ZNF512: variants seen among roughly 807,000 people sequenced by gnomAD.
ZNF512 encodes the protein zinc finger protein 512.
Under a neutral mutation model 77.5 loss-of-function variants are expected in ZNF512, and 25 were observed. That is an observed-to-expected ratio of 0.32 (90% CI 0.23 to 0.45). The LOEUF (loss-of-function observed/expected upper bound fraction) is 0.45, where lower values mean the gene tolerates loss of function less well. ZNF512 is among the 20% of genes least tolerant of loss of function. ZNF512 has a pLI of 1.00. For synonymous variants in ZNF512, 246 were observed against 239.9 expected (o/e 1.03, Z -0.24); for missense variants, 483 against 692.6 (o/e 0.70, Z 3.40).
intron 7 of ZNF512, 61 bp downstream of exon 7, chr2:27,601,503 C>A (rs773990905): frequency 2.3e-5 from 32 of 1,402,660 alleles, no homozygotes; most frequent in Non-Finnish European, 2.7e-5. Context: ...GAGATGGAGT[C>A]TCACTCTGTT....
At chr2:27,593,266 G>A (rs1033777025) in intron 2 of ZNF512, among the ~76,000 whole-genome samples, 4 of 149,470 alleles carry the variant, frequency 2.7e-5, no homozygotes, top group Non-Finnish European at 4.4e-5. Context: ...GCTGGGTACC[G>A]TGGCACACAC....
At chr2:27,595,169 A>G (rs1001704006) in intron 2 of ZNF512, among the ~76,000 whole-genome samples, 3 of 152,184 alleles carry the variant, frequency 2.0e-5, no homozygotes, top group Admixed American at 6.5e-5. Context: ...CGAGAGCTGC[A>G]TTAGTATCTT....
intron 9 of ZNF512, among the ~76,000 whole-genome samples, chr2:27,605,934 A>G (rs1045538744): frequency 6.6e-6 from 1 of 152,226 alleles, no homozygotes; most frequent in Non-Finnish European, 1.5e-5. Flanking sequence ...CCAGCGAAGT[A>G]TGAGCACTCC....
chr2:27,587,450 T>C (rs1671384835), intron 2 of ZNF512, among the ~76,000 whole-genome samples: 1 of 151,564 alleles, frequency 6.6e-6, no homozygotes. Flanking sequence ...CTAATTTTGG[T>C]ATTTTTAGTA....
intron 8 of ZNF512, 77 bp from the exon 9 acceptor site, chr2:27,603,063 C>A: frequency 5.2e-6 from 8 of 1,547,486 alleles, no homozygotes; most frequent in Non-Finnish European, 5.3e-6. Context: ...GTGGTGAATG[C>A]TTTATGGCTG....
rs759133976 is a variant in ZNF512 at position 27,583,725 on chromosome 2, G to T, written c.89+9G>T. 1.2e-6 allele frequency: 2 copies of T among 1,613,482 alleles called. No individual in the cohort carries two copies. On this transcript the variant is annotated intron_variant, in intron 2 of 13. Transcript: ENST00000355467. ...ATCGTGGGAGCTAAGAAGTAAGTGA[G>T]GTTTTCTAAGGTCCTTTTATGATTG...
At position 27,598,096 on chromosome 2, in the gene ZNF512, A is replaced by C; in HGVS notation, c.119A>C (p.Asn40Thr). Residue 40 changes from asparagine to threonine, a missense_variant, in exon 3 of 14, where the codon AAT (asparagine) becomes ACT (threonine). Physicochemically the swap from Asn to Thr is moderately conservative, Grantham distance 65. Around this residue, in one of 2 missense-constraint regions of ZNF512, gnomAD observed 159 missense variants for 167.5 expected, o/e 0.95. Coordinates refer to ENST00000355467, the MANE Select transcript of ZNF512 (RefSeq NM_032434.4). ...NSRTQCSIKD[N>T]SFQYTIPHDD... ...AGGACCCAGTGCTCCATAAAGGATA[A>C]TAGTTTCCAGTACACTATCCCTCAT... 6.2e-7 allele frequency: 1 copy of C among 1,604,660 alleles called. No individual in the cohort carries two copies. The highest frequency in any genetic ancestry group is 8.5e-7 in the Non-Finnish European group (1 of 1,172,330).
intron 10 of ZNF512, among the ~76,000 whole-genome samples, chr2:27,613,264 G>A (rs1455664740): frequency 6.6e-6 from 1 of 152,036 alleles, no homozygotes; most frequent in African/African-American, 2.4e-5. Flanking sequence ...TTGGGAGGCC[G>A]AGGCAGGCAG....
intron 10 of ZNF512, among the ~76,000 whole-genome samples, chr2:27,610,031 A>C (rs1338309731): frequency 2.6e-5 from 4 of 151,796 alleles, no homozygotes; most frequent in African/African-American, 9.7e-5. Flanking sequence ...ACAGAGCAAG[A>C]CTTCATCTCA....
chr2:27,601,333 C>T, intron 6 of ZNF512, 23 bp from the exon 7 acceptor site: 1 of 1,585,262 alleles, frequency 6.3e-7, no homozygotes, highest in Non-Finnish European at 8.7e-7. Context: ...CAACCTAGCA[C>T]TGAGCAGTAT....
intron 2 of ZNF512, among the ~76,000 whole-genome samples, chr2:27,592,787 G>A (rs1168210064): frequency 7.1e-6 from 1 of 141,556 alleles, no homozygotes; most frequent in Non-Finnish European, 1.5e-5. Flanking sequence ...CCAGGTGCAA[G>A]CGATTCTTCT....
chr2:27,597,814 A>G (rs1671940483), intron 2 of ZNF512, among the ~76,000 whole-genome samples: 1 of 152,334 alleles, frequency 6.6e-6, no homozygotes, highest in South Asian at 2.1e-4. Flanking sequence ...TCTAGGAAGG[A>G]ATGTCTACTT....
chr2:27,617,353 T>G (rs1301821425), intron 12 of ZNF512, 120 bp from the exon 13 acceptor site: 2 of 638,768 alleles, frequency 3.1e-6, no homozygotes, highest in Non-Finnish European at 5.7e-6. Context: ...TTGGATCTTT[T>G]TCCTTCTTAT....
chr2:27,598,109 C>T lies in ZNF512; in HGVS notation c.132C>T (p.Tyr44=), dbSNP rs1671952762. The change falls in exon 3 of 14, where the codon TAC becomes TAT. Residue 44 remains tyrosine, a synonymous_variant. Transcript: ENST00000355467. ...CCATAAAGGATAATAGTTTCCAGTA[C>T]ACTATCCCTCATGATGACTCCTTAA... ...QCSIKDNSFQ[Y]TIPHDDSLSG... 1.2e-6 allele frequency: 2 copies of T among 1,612,160 alleles called. No individual in the cohort carries two copies. The highest frequency in any genetic ancestry group is 1.7e-6 in the Non-Finnish European group (2 of 1,178,382).
At position 27,602,591 on chromosome 2, in the gene ZNF512, G is replaced by C. The variant is rs769026205; in HGVS notation, c.768+30G>C. 1.3e-5 allele frequency: 20 copies of C among 1,577,220 alleles called. No homozygotes were observed. In the East Asian group the frequency reaches 4.3e-4, roughly 34 times the overall value. On this transcript the variant is annotated intron_variant, in intron 8 of 13. Coordinates refer to ENST00000355467, the MANE Select transcript of ZNF512 (RefSeq NM_032434.4). ...GGGCCCAAGGACAGCAATTCCTTCTGCCTGAATTCTCAGGTCAATGTCTTT... is the reference window on the plus strand; with the variant it reads ...GGGCCCAAGGACAGCAATTCCTTCTCCCTGAATTCTCAGGTCAATGTCTTT...
At chr2:27,607,534 A>C (rs1026678494) in intron 9 of ZNF512, among the ~76,000 whole-genome samples, 1 of 152,024 alleles carries the variant, frequency 6.6e-6, no homozygotes, top group Non-Finnish European at 1.5e-5. Flanking sequence ...TGCCAAGCTA[A>C]TTTTTATGTT....
chr2:27,617,225 A>T (rs967879901), intron 12 of ZNF512: 11 of 386,676 alleles, frequency 2.8e-5, no homozygotes, highest in African/African-American at 2.2e-4. Flanking sequence ...CCTGAGAAAA[A>T]GTAGGAGACT....
intron 2 of ZNF512, among the ~76,000 whole-genome samples, chr2:27,588,130 C>G (rs1671421588): frequency 6.6e-6 from 1 of 152,092 alleles, no homozygotes; most frequent in South Asian, 2.1e-4. Flanking sequence ...GTTATACTTC[C>G]TTCCAGTCTG....
In ZNF512 at chr2:27,622,979, CCTTTCAGTAGATGAGGGTTG is replaced by C. The variant is rs1673184557; in HGVS notation, c.*1519_*1538del. 2 of 152,666 alleles carry C rather than the reference CCTTTCAGTAGATGAGGGTTG, an allele frequency of 1.3e-5. No homozygotes were observed. The highest frequency in any genetic ancestry group is 2.9e-5 in the Non-Finnish European group (2 of 68,018). The allele number at this position is 152,666 out of a possible 1,614,324, so 9.5% of individuals were successfully genotyped here. A position where few individuals can be genotyped will look rare whatever the true frequency, so the allele number is the denominator to read the frequency against. On this transcript the variant is annotated 3_prime_UTR_variant, in exon 14 of 14. Coordinates refer to ENST00000355467, the MANE Select transcript of ZNF512 (RefSeq NM_032434.4). Reference sequence around the variant, plus strand: ...TTCATTGGCAGTGTGCCCTTAAAGCCCTTTCAGTAGATGAGGGTTGTCAGGGAGGAGAAATGAAGAAGCTA... The same window carrying C: ...TTCATTGGCAGTGTGCCCTTAAAGCCTCAGGGAGGAGAAATGAAGAAGCTA...
Sources: allele counts gnomAD v4.1 joint callset (sites outside exome capture counted in the v4.1 genomes callset), GRCh38; gene constraint gnomAD v4.1.1; regional missense constraint gnomAD v4.1.1; transcripts MANE v1.5; gene names NCBI Gene and HGNC (gene_info 2026-07-23, HGNC 2026-07-21).